Variants in WWOX observed in about 807,000 individuals in gnomAD.
WWOX encodes WW domain-containing oxidoreductase.
WWOX carries 69 observed loss-of-function variants against 46.2 expected under a neutral mutation model. The observed-to-expected ratio is 1.49, with a 90% confidence interval of 1.23 to 1.82. The LOEUF (loss-of-function observed/expected upper bound fraction) is 1.82. Ranked by LOEUF, WWOX falls within the 40% of genes most tolerant of loss-of-function variation. WWOX has a pLI of 0.00. For missense variants in WWOX, 919 were observed against 542.6 expected (o/e 1.69, Z -6.89); for synonymous variants, 359 against 202.6 (o/e 1.77, Z -6.56).
At chr16:79,089,518 G>C (rs901529126) in intron 8 of WWOX, among the ~76,000 whole-genome samples, 1 of 151,948 alleles carries the variant, frequency 6.6e-6, no homozygotes, top group African/African-American at 2.4e-5. Context: ...TTTTAATACA[G>C]ACAGGGTTTC....
chr16:78,369,104 G>C (rs1474926096), intron 5 of WWOX, among the ~76,000 whole-genome samples: 1 of 146,964 alleles, frequency 6.8e-6, no homozygotes, highest in African/African-American at 2.5e-5. Flanking sequence ...TTTTCTCATT[G>C]AACTTGTGAT....
At chr16:78,259,891 TA>T (rs1567463013) in intron 5 of WWOX, among the ~76,000 whole-genome samples, 4 of 151,402 alleles carry the variant, frequency 2.6e-5, no homozygotes, top group African/African-American at 7.3e-5. Flanking sequence ...TATAGACTTT[TA>T]AAAAACTTAA....
At chr16:78,423,580 AC>A (rs1421978706) in intron 6 of WWOX, among the ~76,000 whole-genome samples, 1 of 152,148 alleles carries the variant, frequency 6.6e-6, no homozygotes, top group African/African-American at 2.4e-5. Context: ...CAATTTTGTT[AC>A]GTTTGTGAGG....
intron 8 of WWOX, among the ~76,000 whole-genome samples, chr16:78,858,338 GTGTGTGTGTATGTATATATA>G (rs1204902439): frequency 2.6e-5 from 4 of 151,696 alleles, no homozygotes; most frequent in Admixed American, 2.6e-4. Context: ...ATATGTGTGT[GTGTGTGTGTATGTATATATA>G]TGTGTGTGTA....
chr16:78,379,752 A>G (rs770063119), intron 5 of WWOX, among the ~76,000 whole-genome samples: 1 of 152,170 alleles, frequency 6.6e-6, no homozygotes, highest in African/African-American at 2.4e-5. Context: ...TTCCTAGGCA[A>G]TCTGCAATTA....
chr16:79,115,436 G>A (rs961662335), intron 8 of WWOX, among the ~76,000 whole-genome samples: 1 of 105,950 alleles, frequency 9.4e-6, no homozygotes, highest in African/African-American at 4.0e-5. Flanking sequence ...GTGAAGCCAG[G>A]ACCCAAAACC....
intron 8 of WWOX, among the ~76,000 whole-genome samples, chr16:78,643,135 A>G (rs17708094): frequency 0.055 from 8,312 of 152,258 alleles, 321 homozygotes; most frequent in South Asian, 0.17. Flanking sequence ...CTATGCAGCT[A>G]TCCAGACCCA....
chr16:78,226,500 C>CCCTCCCTCCCTCCCTCCCTCCCTT (rs1279410178), intron 5 of WWOX, among the ~76,000 whole-genome samples: 1 of 123,460 alleles, frequency 8.1e-6, no homozygotes, highest in African/African-American at 3.3e-5. Context: ...CTCCCTCCCT[C>CCCTCCCTCCCTCCCTCCCTCCCTT]CCTCCCTTCC....
chr16:78,854,308 A>G (rs1157745450), intron 8 of WWOX, among the ~76,000 whole-genome samples: 3 of 152,198 alleles, frequency 2.0e-5, no homozygotes, highest in Non-Finnish European at 4.4e-5. Flanking sequence ...TATTATTTGC[A>G]TGCAGTTTAT....
intron 8 of WWOX, among the ~76,000 whole-genome samples, chr16:79,046,351 C>T (rs2048065337): frequency 6.6e-6 from 1 of 152,206 alleles, no homozygotes; most frequent in Non-Finnish European, 1.5e-5. Context: ...CTCTCTGGTT[C>T]TTCCTTTCCT....
intron 8 of WWOX, among the ~76,000 whole-genome samples, chr16:79,095,061 C>T (rs768771053): frequency 6.6e-6 from 1 of 152,132 alleles, no homozygotes; most frequent in African/African-American, 2.4e-5. Flanking sequence ...CAAAATAATC[C>T]TCACAATTTC....
At chr16:78,734,563 G>C (rs2049040119) in intron 8 of WWOX, among the ~76,000 whole-genome samples, 2 of 152,068 alleles carry the variant, frequency 1.3e-5, no homozygotes. Flanking sequence ...GAGCAGAGCT[G>C]GTTTATGTGT....
chr16:78,847,692 C>T (rs947668162), intron 8 of WWOX, among the ~76,000 whole-genome samples: 9 of 151,428 alleles, frequency 5.9e-5, no homozygotes, highest in Non-Finnish European at 1.3e-4. Flanking sequence ...TCAGTTTCTT[C>T]TTCTATAAGA....
chr16:78,803,192 C>G (rs2142664899), intron 8 of WWOX, among the ~76,000 whole-genome samples: 1 of 151,812 alleles, frequency 6.6e-6, no homozygotes, highest in South Asian at 2.1e-4. Context: ...TTAACACAAA[C>G]CACATAGGTT....
At chr16:79,113,504 A>G (rs2049455469) in intron 8 of WWOX, among the ~76,000 whole-genome samples, 2 of 152,234 alleles carry the variant, frequency 1.3e-5, no homozygotes, top group Admixed American at 6.5e-5. Context: ...ACAATTATTC[A>G]TTGTATATGT....
intron 8 of WWOX, among the ~76,000 whole-genome samples, chr16:78,731,411 A>T (rs896675291): frequency 1.3e-5 from 2 of 152,162 alleles, no homozygotes; most frequent in African/African-American, 4.8e-5. Flanking sequence ...CTCCTTGGGA[A>T]ATCTTTCTGC....
chr16:78,647,511 G>A (rs1321851403), intron 8 of WWOX, among the ~76,000 whole-genome samples: 5 of 152,186 alleles, frequency 3.3e-5, no homozygotes, highest in Non-Finnish European at 7.3e-5. Context: ...TTAGAGAAGG[G>A]AATGGATGTC....
At chr16:78,431,690 CCT>C (rs1491330973) in intron 7 of WWOX, among the ~76,000 whole-genome samples, 3 of 21,608 alleles carry the variant, frequency 1.4e-4, no homozygotes, top group Non-Finnish European at 3.3e-4. Flanking sequence ...TGTAGCCAAT[CCT>C]TTTTTTTTTT....
intron 8 of WWOX, among the ~76,000 whole-genome samples, chr16:78,581,482 G>C (rs2151589303): frequency 6.6e-6 from 1 of 152,268 alleles, no homozygotes; most frequent in Middle Eastern, 3.4e-3. Context: ...TGTCTTTATA[G>C]TTTAACCCTT....
Sources: gnomAD v4.1 joint callset for allele counts (sites outside exome capture counted in the v4.1 genomes callset) on GRCh38, gnomAD v4.1.1 for gene constraint, MANE v1.5 for transcripts, NCBI Gene and HGNC (gene_info 2026-07-23, HGNC 2026-07-21) for gene names.